Variants in MYLK observed in about 807,000 individuals in gnomAD.
MYLK encodes the protein myosin light chain kinase, smooth muscle.
MYLK carries 106 observed loss-of-function variants against 203.4 expected under a neutral mutation model. That is an observed-to-expected ratio of 0.52 (90% CI 0.45 to 0.61). The LOEUF is 0.61. Ranked by LOEUF, MYLK falls within the 20% of genes least tolerant of loss-of-function variation. The pLI, the probability that MYLK is intolerant of heterozygous loss-of-function variation, is 0.00. For missense variants in MYLK, 2,072 were observed against 2,442.3 expected, an observed-to-expected ratio of 0.85 and a Z score of 3.20; for synonymous variants, 867 against 959.5, an observed-to-expected ratio of 0.90 and a Z score of 1.78.
chr3:123,854,382 A>G (rs1344759332), intron 2 of MYLK, among the ~76,000 whole-genome samples: 1 of 152,070 alleles, frequency 6.6e-6, no homozygotes, highest in Admixed American at 6.6e-5. Context: ...CCCCCAAAAA[A>G]TCTGCACCAT....
rs761266023 is a variant in MYLK, at chr3:123,626,842, C to A, written c.5214G>T (p.Lys1738Asn). 1 of 1,614,226 alleles carries A rather than the reference C, an allele frequency of 6.2e-7. No homozygotes were observed. The highest frequency in any genetic ancestry group is 1.7e-5 in the Admixed American group (1 of 60,028). ...AKKLSKDRMK[K>N]YMARRKWQKT... Reference sequence around the variant, plus strand: ...CCTGCCATTTCCTTCTTGCCATGTACTTCTTCATCCGGTCCTTGGAGAGTT... The same window carrying A: ...CCTGCCATTTCCTTCTTGCCATGTAATTCTTCATCCGGTCCTTGGAGAGTT... Residue 1738 changes from lysine (K) to asparagine (N), a missense_variant, in exon 31 of 34, where the codon AAG becomes AAT. By Grantham distance (94) the Lys-to-Asn change is moderately conservative. This residue lies in a region of MYLK where 524 missense variants were observed against 782.4 expected (regional missense o/e 0.67). Coordinates refer to ENST00000360304, the MANE Select transcript of MYLK (RefSeq NM_053025.4).
intron 2 of MYLK, among the ~76,000 whole-genome samples, chr3:123,867,307 A>G (rs548577414): frequency 6.6e-6 from 1 of 151,686 alleles, no homozygotes; most frequent in African/African-American, 2.4e-5. Flanking sequence ...TGAAGTCCTA[A>G]CCTCTGGTAC....
intron 30 of MYLK, 135 bp from the exon 31 acceptor site, chr3:123,627,076 C>T (rs2058184190): frequency 6.3e-6 from 6 of 954,090 alleles, no homozygotes; most frequent in South Asian, 2.8e-5. Flanking sequence ...GACCATCCAC[C>T]GTGATCAGGA....
chr3:123,752,031 G>T, intron 5 of MYLK, among the ~76,000 whole-genome samples: 1 of 151,946 alleles, frequency 6.6e-6, no homozygotes, highest in South Asian at 2.1e-4. Flanking sequence ...AGATTGGGTG[G>T]GGCTCTGTAA....
intron 18 of MYLK, among the ~76,000 whole-genome samples, chr3:123,694,043 C>T (rs1452264904): frequency 6.6e-6 from 1 of 152,228 alleles, no homozygotes; most frequent in Non-Finnish European, 1.5e-5. Context: ...CACAAATGCA[C>T]AGCCTTGACC....
chr3:123,640,556 G>C lies in MYLK; in HGVS notation c.4620-52C>G. The C allele has an allele frequency of 6.3e-7, 1 of 1,593,712 alleles. No homozygotes were observed. Reference sequence around the variant, plus strand: ...CAGGCCACAGGCTCATGGAGGCCAGGCTGGCAGGGAGTCTGGCCAGGGTAG... The same window carrying C: ...CAGGCCACAGGCTCATGGAGGCCAGCCTGGCAGGGAGTCTGGCCAGGGTAG... On this transcript the variant is annotated intron_variant, in intron 27 of 33. Transcript: ENST00000360304. This position sits in a 1 kb window ranked among gnomAD's most constrained non-coding sequence, Gnocchi z 4.3.
chr3:123,692,285 C>T lies in MYLK; in HGVS notation c.3565+450G>A, dbSNP rs541883010. The T allele has an allele frequency of 3.4e-5, 38 of 1,121,280 alleles. No homozygotes were observed. In the East Asian group the frequency reaches 1.9e-3, roughly 55 times the overall value. The allele number at this position is 1,121,280 out of a possible 1,614,324, so 69.5% of individuals were successfully genotyped here. On this transcript the variant is annotated intron_variant, in intron 19 of 33. Transcript: ENST00000360304. ...CCAGAGACTCAGCCCCGACTCACCT[C>T]CTCTAGGAAGTCTCCCACACGGACC... is the stretch of plus-strand genomic sequence containing the variant.
chr3:123,722,285 G>A lies in MYLK; in HGVS notation c.1652-5C>T, dbSNP rs373417468. ...GAGCGTACTGGATGGGCTGCCCTGT[G>A]GAGGAAGCACAGGAAGGCTCAGGCC... On this transcript the variant is annotated splice_region_variant and splice_polypyrimidine_tract_variant and intron_variant, in intron 12 of 33. Transcript: ENST00000360304. 7.7e-6 allele frequency: 12 copies of A among 1,565,084 alleles called. No individual in the cohort carries two copies. The African/African-American group carries it at 1.6e-4, about 21-fold the overall frequency.
intron 4 of MYLK, among the ~76,000 whole-genome samples, chr3:123,754,112 G>A (rs1424303396): frequency 6.6e-6 from 1 of 152,236 alleles, no homozygotes; most frequent in Non-Finnish European, 1.5e-5. Context: ...GCCGGTCGTT[G>A]TCTTTGGACT....
rs1228803195 is a variant in MYLK at position 123,737,439 on chromosome 3, G to A, written c.693C>T (p.Tyr231=). ...HGVNQDDVGV[Y]TCLVVNGSGK... ...CCGACCCGTTCACCACCAGGCACGTGTACACTCCCACGTCATCTTGGTTGA... is the reference window on the plus strand; with the variant it reads ...CCGACCCGTTCACCACCAGGCACGTATACACTCCCACGTCATCTTGGTTGA... The change falls in exon 8 of 34, where the codon TAC becomes TAT. Residue 231 remains tyrosine (Y), a synonymous_variant. Transcript: ENST00000360304. The A allele has an allele frequency of 1.2e-6, 2 of 1,614,154 alleles. No homozygotes were observed. Among genetic ancestry groups the A allele is most frequent in the Admixed American group, 1.7e-5 (1 of 60,030 alleles).
At chr3:123,740,128 G>T in intron 5 of MYLK, 127 bp from the exon 6 acceptor site, 1 of 868,602 alleles carries the variant, frequency 1.2e-6, no homozygotes, top group Non-Finnish European at 1.9e-6. Flanking sequence ...AGCATGGGCT[G>T]TGTCACTATG....
rs1473638833 is a variant in MYLK at position 123,700,517 on chromosome 3, A to G, written c.2951T>C (p.Val984Ala). 6.2e-7 allele frequency: 1 copy of G among 1,613,368 alleles called. No homozygotes were observed. The highest frequency in any genetic ancestry group is 1.1e-5 in the South Asian group (1 of 91,016). The change falls in exon 18 of 34, where the codon GTG becomes GCG. Residue 984 changes from valine (V) to alanine (A), a missense_variant. Coordinates refer to ENST00000360304, the MANE Select transcript of MYLK (RefSeq NM_053025.4). The part of the protein sequence containing the change: ...PKPATPDFRS[V>A]LGGKKKLPAE... ...TGGTAATTTCTTCTTGCCACCCAGC[A>G]CTGAGCGAAAATCCGGGGTGGCAGG... is the stretch of plus-strand genomic sequence containing the variant.
At chr3:123,856,856 A>G (rs575161598) in intron 2 of MYLK, among the ~76,000 whole-genome samples, 77 of 152,184 alleles carry the variant, frequency 5.1e-4, no homozygotes, top group African/African-American at 1.8e-3. Context: ...AGAGTGAACA[A>G]GCAACCTACA....
At chr3:123,822,018 G>A (rs1010808889) in intron 3 of MYLK, among the ~76,000 whole-genome samples, 1 of 152,096 alleles carries the variant, frequency 6.6e-6, no homozygotes, top group African/African-American at 2.4e-5. Flanking sequence ...TATTGTAGGA[G>A]TGGGTTTCTT....
chr3:123,775,801 GAA>G (rs2064052755), intron 4 of MYLK, among the ~76,000 whole-genome samples: 1 of 152,176 alleles, frequency 6.6e-6, no homozygotes, highest in African/African-American at 2.4e-5. Flanking sequence ...CTCTATCAGT[GAA>G]AGTCAGTGAA....
At chr3:123,781,929 C>G (rs1235090886) in intron 4 of MYLK, among the ~76,000 whole-genome samples, 1 of 152,130 alleles carries the variant, frequency 6.6e-6, no homozygotes, top group Non-Finnish European at 1.5e-5. Flanking sequence ...ATTTAGAAAA[C>G]TTACAGACTG....
intron 4 of MYLK, among the ~76,000 whole-genome samples, chr3:123,785,166 A>T (rs1201729974): frequency 6.6e-5 from 10 of 152,224 alleles, no homozygotes; most frequent in African/African-American, 2.4e-4. Flanking sequence ...ATGCCAAGAA[A>T]ATCTCTCATC....
At chr3:123,868,022 C>G (rs1425202277) in intron 2 of MYLK, among the ~76,000 whole-genome samples, 1 of 152,192 alleles carries the variant, frequency 6.6e-6, no homozygotes, top group African/African-American at 2.4e-5. Flanking sequence ...TAGGCACAAC[C>G]TAGTTTATAA....
At chr3:123,791,130 C>T (rs2064763627) in intron 4 of MYLK, among the ~76,000 whole-genome samples, 1 of 152,078 alleles carries the variant, frequency 6.6e-6, no homozygotes, top group Non-Finnish European at 1.5e-5. Context: ...TGTCCCAGGA[C>T]CTGGAGGGAG....
Sources: allele counts gnomAD v4.1 joint callset (sites outside exome capture counted in the v4.1 genomes callset), GRCh38; gene constraint gnomAD v4.1.1; regional missense constraint gnomAD v4.1.1; non-coding constraint Gnocchi (gnomAD v3.1); transcripts MANE v1.5; gene names NCBI Gene and HGNC (gene_info 2026-07-23, HGNC 2026-07-21).